The following UBE2F variants were observed in gnomAD, a reference collection of about 807,000 sequenced individuals.
UBE2F encodes NEDD8-conjugating enzyme UBE2F.
In UBE2F, 5 loss-of-function variants were observed where a neutral mutation model predicts 29.6. The observed-to-expected ratio is 0.17, with a 90% confidence interval of 0.09 to 0.36. The LOEUF (loss-of-function observed/expected upper bound fraction) is 0.36. Among genes scored for constraint, UBE2F ranks in the 10% least tolerant of loss-of-function variants. The pLI is 1.00. For missense variants in UBE2F, 141 were observed against 228.5 expected (o/e 0.62, Z 2.47); for synonymous variants, 66 against 81.8 (o/e 0.81, Z 1.04).
chr2:238,002,223 C>G (rs2063809612), intron 4 of UBE2F, among the ~76,000 whole-genome samples: 1 of 74,198 alleles, frequency 1.3e-5, no homozygotes, highest in African/African-American at 5.7e-5. Context: ...CGCCACCACA[C>G]CCAGATAATT....
chr2:238,042,400 A>T lies in UBE2F; in HGVS notation c.*1062A>T, dbSNP rs566313631. ...CCTGTGGCCTTCTTCTGAGTTTGCT[A>T]TGGCTCCAGGCCCTGCCGGTGGGGT... On this transcript the variant is annotated 3_prime_UTR_variant, in exon 10 of 10. Coordinates refer to ENST00000272930, the MANE Select transcript of UBE2F (RefSeq NM_080678.3). 6.6e-6 allele frequency: 1 copy of T among 152,228 alleles called. No individual in the cohort carries two copies. Among genetic ancestry groups the T allele is most frequent in the African/African-American group, 2.4e-5 (1 of 41,444 alleles). 9.4% of individuals were successfully genotyped at this position (152,228 alleles called of 1,614,324 possible).
chr2:238,006,852 T>A (rs531230765), intron 4 of UBE2F, among the ~76,000 whole-genome samples: 2 of 150,670 alleles, frequency 1.3e-5, no homozygotes, highest in Non-Finnish European at 2.9e-5. Flanking sequence ...ACCTCCCAGG[T>A]TCAAGCAATT....
intron 4 of UBE2F, among the ~76,000 whole-genome samples, chr2:237,995,451 C>A (rs2063671823): frequency 6.6e-6 from 1 of 152,224 alleles, no homozygotes; most frequent in East Asian, 1.9e-4. Context: ...CCACACTTCA[C>A]AACCCACTGG....
At chr2:238,015,968 T>G (rs764558037) in intron 4 of UBE2F, among the ~76,000 whole-genome samples, 1 of 152,112 alleles carries the variant, frequency 6.6e-6, no homozygotes, top group Non-Finnish European at 1.5e-5. Context: ...GTGGTGATGC[T>G]CAGACCCTGG....
intron 4 of UBE2F, among the ~76,000 whole-genome samples, chr2:238,007,450 T>A (rs1023652518): frequency 6.6e-6 from 1 of 152,176 alleles, no homozygotes; most frequent in Non-Finnish European, 1.5e-5. Flanking sequence ...AGATGCCCTT[T>A]ATCAGGTTGA....
chr2:238,020,552 G>C (rs1165999832), intron 5 of UBE2F, among the ~76,000 whole-genome samples: 1 of 152,190 alleles, frequency 6.6e-6, no homozygotes, highest in South Asian at 2.1e-4. Context: ...AGTTCCTGCA[G>C]TGAAGGTCTG....
intron 4 of UBE2F, among the ~76,000 whole-genome samples, chr2:238,007,301 T>C (rs2106371043): frequency 6.6e-6 from 1 of 151,774 alleles, no homozygotes; most frequent in Non-Finnish European, 1.5e-5. Context: ...TTTATATTTT[T>C]AGTAGATATG....
chr2:237,989,628 C>T (rs1219267780), intron 3 of UBE2F, among the ~76,000 whole-genome samples: 1 of 152,018 alleles, frequency 6.6e-6, no homozygotes, highest in Non-Finnish European at 1.5e-5. Context: ...GCTGGGATTA[C>T]AGGCGTGAGC....
At chr2:238,029,189 TC>T (rs1468430818) in intron 6 of UBE2F, 1 of 152,004 alleles carries the variant, frequency 6.6e-6, no homozygotes, top group African/African-American at 2.4e-5. Flanking sequence ...TGGTGTGCCT[TC>T]CCTGAGCATG....
intron 4 of UBE2F, among the ~76,000 whole-genome samples, chr2:238,006,115 G>A (rs1242038256): frequency 2.0e-5 from 3 of 152,260 alleles, no homozygotes; most frequent in South Asian, 4.2e-4. Context: ...TAGGAAGCAC[G>A]GTGCTGGCAT....
At chr2:238,017,013 T>G (rs144287616) in intron 5 of UBE2F, among the ~76,000 whole-genome samples, 9 of 152,330 alleles carry the variant, frequency 5.9e-5, no homozygotes, top group African/African-American at 2.2e-4. Flanking sequence ...CAGAGAACAG[T>G]GACTTGTAGT....
At position 237,967,160 on chromosome 2, in the gene UBE2F, CG is replaced by C. The variant is rs2106313964; in HGVS notation, c.-17+32del. On this transcript the variant is annotated intron_variant, in intron 1 of 9. Transcript: ENST00000272930. This position sits in a 1 kb window ranked among gnomAD's most constrained non-coding sequence, Gnocchi z 6.3. The stretch of plus-strand genomic sequence containing the variant: ...GAGGAGCGACCGTGCGGCTCTGCGG[CG>C]GGGCGAGGTGCGGCCGCCGGTGCAC... 1 of 1,193,782 alleles carries C rather than the reference CG, an allele frequency of 8.4e-7. No individual in the cohort carries two copies. 73.9% of individuals were successfully genotyped at this position (1,193,782 alleles called of 1,614,324 possible). A position where few individuals can be genotyped will look rare whatever the true frequency, so the allele number is the denominator to read the frequency against.
chr2:238,018,207 C>A (rs1405374074), intron 5 of UBE2F, among the ~76,000 whole-genome samples: 1 of 152,140 alleles, frequency 6.6e-6, no homozygotes. Flanking sequence ...GGTTTCAGTA[C>A]AGATGTTTAG....
At chr2:238,030,197 A>G (rs944052698) in intron 6 of UBE2F, among the ~76,000 whole-genome samples, 1 of 152,098 alleles carries the variant, frequency 6.6e-6, no homozygotes, top group Non-Finnish European at 1.5e-5. Flanking sequence ...GCCTCCCAGA[A>G]TGCTGAGATT....
chr2:238,007,735 C>A (rs1240682276), intron 4 of UBE2F, among the ~76,000 whole-genome samples: 1 of 152,050 alleles, frequency 6.6e-6, no homozygotes, highest in Non-Finnish European at 1.5e-5. Flanking sequence ...CATAATTCAT[C>A]ATGTATTATG....
chr2:237,989,304 C>T (rs2063538519), intron 3 of UBE2F, among the ~76,000 whole-genome samples: 1 of 152,072 alleles, frequency 6.6e-6, no homozygotes, highest in African/African-American at 2.4e-5. Flanking sequence ...TGCAACCTCT[C>T]CATGGTTGTG....
At chr2:238,041,163 C>T in intron 9 of UBE2F, 125 bp from the exon 10 acceptor site, 2 of 884,820 alleles carry the variant, frequency 2.3e-6, no homozygotes. Flanking sequence ...CCCAGTCCTT[C>T]TACCACCTTG....
intron 1 of UBE2F, among the ~76,000 whole-genome samples, chr2:237,969,893 A>T (rs1028022742): frequency 3.3e-5 from 5 of 152,192 alleles, no homozygotes; most frequent in African/African-American, 1.2e-4. Context: ...AGCTGTGAAG[A>T]TGTGCTCTTA....
At chr2:238,034,149 G>A (rs527773694) in intron 8 of UBE2F, among the ~76,000 whole-genome samples, 2 of 152,062 alleles carry the variant, frequency 1.3e-5, no homozygotes, top group Admixed American at 1.3e-4. Context: ...TGTTGGCTAG[G>A]CGCAGTGACT....
Sources: gnomAD v4.1 joint callset for allele counts (sites outside exome capture counted in the v4.1 genomes callset) on GRCh38, gnomAD v4.1.1 for gene constraint, Gnocchi (gnomAD v3.1) non-coding constraint, MANE v1.5 for transcripts, NCBI Gene and HGNC (gene_info 2026-07-23, HGNC 2026-07-21) for gene names.